Variants in CPED1 observed in about 807,000 individuals in gnomAD.
CPED1 encodes the protein cadherin like and PC-esterase domain containing 1.
A neutral mutation model predicts 128.2 loss-of-function variants in CPED1; 114 were observed. The observed-to-expected ratio is 0.89, with a 90% CI of 0.76 to 1.04. The LOEUF (loss-of-function observed/expected upper bound fraction) is 1.04, where lower values mean the gene tolerates loss of function less well. Among genes scored for constraint, CPED1 ranks in the 50% least tolerant of loss-of-function variants. The pLI is 0.00. For missense variants in CPED1, 1,211 were observed against 1,207.1 expected (o/e 1.00, Z -0.05); for synonymous variants, 462 against 426.7 (o/e 1.08, Z -1.02).
chr7:121,286,847 G>C (rs144174425), intron 22 of CPED1, among the ~76,000 whole-genome samples: 1 of 152,088 alleles, frequency 6.6e-6, no homozygotes, highest in Non-Finnish European at 1.5e-5. Flanking sequence ...CTGAGACTGC[G>C]TAATTTATAA....
At chr7:121,155,379 CA>C (rs1365787586) in intron 16 of CPED1, among the ~76,000 whole-genome samples, 1 of 151,998 alleles carries the variant, frequency 6.6e-6, no homozygotes, top group Non-Finnish European at 1.5e-5. Context: ...TATGTGGAAC[CA>C]AAAAAGATCC....
chr7:121,243,384 C>T (rs76682285), intron 17 of CPED1, among the ~76,000 whole-genome samples: 1,995 of 152,186 alleles, frequency 0.013, 51 homozygotes, highest in African/African-American at 0.045. Flanking sequence ...TCCACTCACA[C>T]TAAAAGCTGA....
At chr7:121,002,618 G>T (rs1401935511) in intron 2 of CPED1, among the ~76,000 whole-genome samples, 2 of 152,092 alleles carry the variant, frequency 1.3e-5, no homozygotes, top group East Asian at 3.8e-4. Flanking sequence ...GTTTTCTTGT[G>T]GGGGAGTATA....
At chr7:121,071,801 C>T (rs10261386) in intron 5 of CPED1, among the ~76,000 whole-genome samples, 58,122 of 151,876 alleles carry the variant, frequency 0.38, 11,860 homozygotes, top group East Asian at 0.61. Context: ...TTTCATCAGC[C>T]GAATCTCATA....
chr7:121,020,078 CAT>C (rs1464245555), intron 3 of CPED1, among the ~76,000 whole-genome samples: 1 of 151,908 alleles, frequency 6.6e-6, no homozygotes, highest in East Asian at 1.9e-4. Context: ...TTTCTGAACA[CAT>C]ATTGTATTGA....
At chr7:121,274,624 C>A (rs1270332482) in intron 22 of CPED1, among the ~76,000 whole-genome samples, 1 of 152,156 alleles carries the variant, frequency 6.6e-6, no homozygotes, top group African/African-American at 2.4e-5. Flanking sequence ...TGACTCCCTT[C>A]ATCATAAAGT....
intron 22 of CPED1, among the ~76,000 whole-genome samples, chr7:121,276,465 C>A (rs1206304436): frequency 5.9e-5 from 9 of 152,040 alleles, no homozygotes; most frequent in Admixed American, 5.9e-4. Flanking sequence ...TTGAACTAAA[C>A]AGTAGTAATA....
rs566904987 is a variant in CPED1 at position 121,288,975 on chromosome 7, A to G, written c.2869-6465A>G. On this transcript the variant is annotated intron_variant, in intron 22 of 22. Coordinates refer to ENST00000310396, the MANE Select transcript of CPED1 (RefSeq NM_024913.5). The stretch of plus-strand genomic sequence containing the variant: ...TACAAACCTCCTCTAAAACTGACAA[A>G]ACTTTCAGGAAAACATTGATGCACC... Among the ~76,000 whole-genome samples, 366 of 152,306 alleles carry G rather than the reference A, an allele frequency of 2.4e-3. 2 individuals are homozygous for G. Among genetic ancestry groups the G allele is most frequent in the African/African-American group, 8.1e-3 (337 of 41,558 alleles).
At chr7:121,202,294 T>A (rs1175961776) in intron 16 of CPED1, among the ~76,000 whole-genome samples, 2 of 152,086 alleles carry the variant, frequency 1.3e-5, no homozygotes, top group African/African-American at 4.8e-5. Context: ...GAATTAGCGC[T>A]GTCTTCATCA....
chr7:121,142,770 G>T (rs528372466), intron 16 of CPED1, among the ~76,000 whole-genome samples: 18 of 152,130 alleles, frequency 1.2e-4, no homozygotes, highest in African/African-American at 4.1e-4. Context: ...AGGATCCCAT[G>T]TATAACTTTG....
intron 16 of CPED1, among the ~76,000 whole-genome samples, chr7:121,233,144 G>A (rs777780625): frequency 6.6e-6 from 1 of 152,034 alleles, no homozygotes; most frequent in African/African-American, 2.4e-5. Flanking sequence ...TTTGAATTGT[G>A]TACTAAGCAT....
chr7:121,034,930 A>G (rs922376480), intron 3 of CPED1, among the ~76,000 whole-genome samples: 3 of 152,254 alleles, frequency 2.0e-5, no homozygotes, highest in African/African-American at 7.2e-5. Context: ...TTGGGAGAAC[A>G]GAAAAGGAAA....
intron 3 of CPED1, among the ~76,000 whole-genome samples, chr7:121,028,067 T>A (rs1792640658): frequency 6.6e-6 from 1 of 152,164 alleles, no homozygotes; most frequent in Admixed American, 6.6e-5. Context: ...TCTACCATGG[T>A]ACCTACTGAT....
chr7:121,064,503 G>A (rs192973744), intron 5 of CPED1, among the ~76,000 whole-genome samples, 190 bp downstream of exon 5: 7 of 152,260 alleles, frequency 4.6e-5, no homozygotes, highest in African/African-American at 9.6e-5. Context: ...CAACCGTAAC[G>A]TAACACTGGT....
intron 16 of CPED1, among the ~76,000 whole-genome samples, chr7:121,151,435 A>G (rs1796155890): frequency 6.6e-6 from 1 of 152,222 alleles, no homozygotes; most frequent in South Asian, 2.1e-4. Context: ...CAGCAACTGC[A>G]CCATTTATAC....
chr7:121,089,818 T>G (rs1241999380), intron 5 of CPED1, among the ~76,000 whole-genome samples: 2 of 152,218 alleles, frequency 1.3e-5, no homozygotes, highest in Non-Finnish European at 2.9e-5. Flanking sequence ...TAATTTATAC[T>G]AAATTATCCA....
chr7:121,104,885 A>G (rs1794935697), intron 7 of CPED1, among the ~76,000 whole-genome samples: 1 of 152,136 alleles, frequency 6.6e-6, no homozygotes, highest in African/African-American at 2.4e-5. Context: ...TGATATAGGT[A>G]AATATTATAC....
At chr7:121,269,119 C>T (rs995582343) in intron 21 of CPED1, among the ~76,000 whole-genome samples, 1 of 151,984 alleles carries the variant, frequency 6.6e-6, no homozygotes, top group Non-Finnish European at 1.5e-5. Flanking sequence ...GTGTAGCAAG[C>T]GTAGTATCTA....
intron 22 of CPED1, among the ~76,000 whole-genome samples, chr7:121,284,478 T>C (rs938831857): frequency 2.1e-4 from 32 of 152,038 alleles, no homozygotes; most frequent in African/African-American, 7.2e-4. Context: ...AAGTCTAAAA[T>C]CTCATCTGAG....
Sources: allele counts gnomAD v4.1 joint callset (sites outside exome capture counted in the v4.1 genomes callset), GRCh38; gene constraint gnomAD v4.1.1; transcripts MANE v1.5; gene names NCBI Gene and HGNC (gene_info 2026-07-23, HGNC 2026-07-21).